Variants in DOCK4 observed in about 807,000 individuals in gnomAD.
DOCK4 encodes dedicator of cytokinesis protein 4.
In DOCK4, 97 loss-of-function variants were observed where a neutral mutation model predicts 268.1. That is an observed-to-expected ratio of 0.36 (90% CI 0.31 to 0.43). DOCK4 has a LOEUF of 0.43. Among genes scored for constraint, DOCK4 ranks in the 20% least tolerant of loss-of-function variants. The pLI is 1.00. For missense variants in DOCK4, 2,145 were observed against 2,455.7 expected (o/e 0.87, Z 2.67); for synonymous variants, 954 against 887.2 (o/e 1.08, Z -1.34).
At chr7:111,789,452 G>A (rs780815719) in intron 31 of DOCK4, among the ~76,000 whole-genome samples, 2 of 152,212 alleles carry the variant, frequency 1.3e-5, no homozygotes, top group Non-Finnish European at 2.9e-5. Context: ...TATGGCCAGA[G>A]AGAGTTAAAA....
At chr7:112,101,465 T>TA (rs1238148585) in intron 1 of DOCK4, among the ~76,000 whole-genome samples, 1 of 152,182 alleles carries the variant, frequency 6.6e-6, no homozygotes, top group Non-Finnish European at 1.5e-5. Context: ...ATGGGACCAA[T>TA]AAAAAAGCTT....
chr7:111,785,194 A>G (rs926887740), intron 32 of DOCK4, among the ~76,000 whole-genome samples: 3 of 152,176 alleles, frequency 2.0e-5, no homozygotes, highest in Non-Finnish European at 2.9e-5. Flanking sequence ...TGCATATGGA[A>G]GGGATGGAAT....
chr7:111,834,472 T>C (rs890906126), intron 26 of DOCK4, 116 bp downstream of exon 26: 10 of 815,732 alleles, frequency 1.2e-5, no homozygotes, highest in Non-Finnish European at 1.9e-5. Flanking sequence ...AAAAACAGCT[T>C]AGAACTTAAT....
intron 49 of DOCK4, among the ~76,000 whole-genome samples, chr7:111,737,915 G>A (rs182500842): frequency 1.0e-3 from 152 of 152,288 alleles, no homozygotes; most frequent in African/African-American, 3.5e-3. Flanking sequence ...AGACATCAGC[G>A]TTGTGCAGAG....
chr7:112,072,158 CATG>C (rs1586763452), intron 1 of DOCK4, among the ~76,000 whole-genome samples: 1 of 152,074 alleles, frequency 6.6e-6, no homozygotes, highest in Non-Finnish European at 1.5e-5. Flanking sequence ...TCCAATAAAC[CATG>C]ATATTTCCAT....
At chr7:111,999,578 G>C (rs1021642277) in intron 3 of DOCK4, among the ~76,000 whole-genome samples, 1 of 151,968 alleles carries the variant, frequency 6.6e-6, no homozygotes, top group African/African-American at 2.4e-5. Flanking sequence ...AATGTTAAAT[G>C]AGGAGTAAAG....
intron 49 of DOCK4, among the ~76,000 whole-genome samples, chr7:111,737,769 G>C (rs1303272537): frequency 6.6e-6 from 1 of 152,176 alleles, no homozygotes; most frequent in Non-Finnish European, 1.5e-5. Context: ...GCTAATCAGA[G>C]AAGGCTTTCA....
At chr7:112,032,868 A>G (rs1217411879) in intron 1 of DOCK4, among the ~76,000 whole-genome samples, 1 of 151,436 alleles carries the variant, frequency 6.6e-6, no homozygotes, top group Non-Finnish European at 1.5e-5. Flanking sequence ...ACTTTCCATG[A>G]AAAAAAAAGA....
chr7:111,729,404 A>T (rs1794911278), intron 52 of DOCK4, among the ~76,000 whole-genome samples: 1 of 151,956 alleles, frequency 6.6e-6, no homozygotes, highest in Non-Finnish European at 1.5e-5. Flanking sequence ...CTAAAAATCC[A>T]AAGGGTTAGC....
Position 111,945,781 on chromosome 7 carries a change from C to A in DOCK4, c.719G>T (p.Arg240Met). Residue 240 changes from arginine to methionine, a missense_variant, in exon 9 of 53, where the codon AGG becomes ATG. Physicochemically the swap from Arg to Met is moderately conservative, Grantham distance 91. Transcript: ENST00000428084. ...TTTGGGAAGCCCGTTTCTATTCAGCCTCAAGAAAAATCTCTCACTACAAGA... is the reference window on the plus strand; with the variant it reads ...TTTGGGAAGCCCGTTTCTATTCAGCATCAAGAAAAATCTCTCACTACAAGA... ...NRPISERFFL[R>M]LNRNGLPKAP... 3.1e-6 allele frequency: 5 copies of A among 1,591,488 alleles called. No homozygotes were observed. Among genetic ancestry groups the A allele is most frequent in the Non-Finnish European group, 4.3e-6 (5 of 1,168,488 alleles).
chr7:112,028,828 C>T (rs1803026332), intron 1 of DOCK4, among the ~76,000 whole-genome samples: 2 of 152,174 alleles, frequency 1.3e-5, no homozygotes, highest in South Asian at 4.1e-4. Flanking sequence ...TCTCTCTCAG[C>T]GTTAGACAAC....
intron 1 of DOCK4, among the ~76,000 whole-genome samples, chr7:112,145,405 T>C (rs538624815): frequency 6.6e-6 from 1 of 152,190 alleles, no homozygotes; most frequent in Admixed American, 6.5e-5. Flanking sequence ...GGCCTAAGAT[T>C]GGTTTGGCTC....
At chr7:112,183,418 T>A (rs1819225796) in intron 1 of DOCK4, among the ~76,000 whole-genome samples, 1 of 152,114 alleles carries the variant, frequency 6.6e-6, no homozygotes, top group Admixed American at 6.6e-5. Context: ...GAGAAAAGCA[T>A]TCCAGGCTTT....
chr7:111,908,898 A>G (rs1008545147), intron 13 of DOCK4, among the ~76,000 whole-genome samples: 2 of 152,172 alleles, frequency 1.3e-5, no homozygotes, highest in African/African-American at 2.4e-5. Flanking sequence ...TCCATGGTGT[A>G]TATGTGCCAC....
rs1049776551 is a variant in DOCK4, at chr7:111,900,411, C to G, written c.1443G>C (p.Arg481=). The change falls in exon 15 of 53, where the codon CGG becomes CGC. Residue 481 remains arginine (R), a synonymous_variant. Coordinates refer to ENST00000428084, the MANE Select transcript of DOCK4 (RefSeq NM_001363540.2). ...GAAACTCGAAGCGGATGTGTGCACC[C>G]CGGAATTTATCCACAGGAATGGGAA... ...LKLPIPVDKF[R]GAHIRFEFRH... is the part of the protein sequence containing the mutation. 3 of 1,613,542 alleles carry G rather than the reference C, an allele frequency of 1.9e-6. No homozygotes were observed. The highest frequency in any genetic ancestry group is 1.7e-6 in the Non-Finnish European group (2 of 1,179,758).
At position 111,900,408 on chromosome 7, in the gene DOCK4, A is replaced by C; in HGVS notation, c.1446T>G (p.Gly482=). ...GCCGAAACTCGAAGCGGATGTGTGC[A>C]CCCCGGAATTTATCCACAGGAATGG... ...KLPIPVDKFR[G]AHIRFEFRHC... is the part of the protein sequence containing the mutation. Residue 482 remains glycine, a synonymous_variant, in exon 15 of 53, where the codon GGT becomes GGG. Transcript: ENST00000428084. 6.2e-7 allele frequency: 1 copy of C among 1,613,470 alleles called. No individual in the cohort carries two copies. The highest frequency in any genetic ancestry group is 1.1e-5 in the South Asian group (1 of 90,826).
intron 1 of DOCK4, among the ~76,000 whole-genome samples, chr7:112,142,493 C>G (rs776980762): frequency 6.6e-6 from 1 of 152,172 alleles, no homozygotes; most frequent in Non-Finnish European, 1.5e-5. Context: ...AACACTGTCT[C>G]AGGAAAGCTC....
intron 1 of DOCK4, among the ~76,000 whole-genome samples, chr7:112,180,852 G>GA (rs1818965576): frequency 6.6e-6 from 1 of 152,174 alleles, no homozygotes; most frequent in South Asian, 2.1e-4. Flanking sequence ...GCCCCTCTAG[G>GA]AAGCATCCCC....
At chr7:111,832,468 C>T (rs963157384) in intron 26 of DOCK4, among the ~76,000 whole-genome samples, 1 of 152,180 alleles carries the variant, frequency 6.6e-6, no homozygotes, top group Non-Finnish European at 1.5e-5. Context: ...GCTCAATATC[C>T]ACTTCCTGAA....
Sources: gnomAD v4.1 joint callset for allele counts (sites outside exome capture counted in the v4.1 genomes callset) on GRCh38, gnomAD v4.1.1 for gene constraint, MANE v1.5 for transcripts, NCBI Gene and HGNC (gene_info 2026-07-23, HGNC 2026-07-21) for gene names.